Variants in MMP11 observed in about 807,000 individuals in gnomAD.
MMP11 encodes stromelysin-3.
In MMP11, 26 loss-of-function variants were observed where a neutral mutation model predicts 49.5. The ratio of observed to expected loss-of-function variants is 0.52; its 90% CI spans 0.38 to 0.73. The LOEUF is 0.73. Among genes scored for constraint, MMP11 ranks in the 30% least tolerant of loss-of-function variants. MMP11 has a pLI of 0.00. For missense variants in MMP11, 624 were observed against 671.2 expected, an observed-to-expected ratio of 0.93 and a Z score of 0.78; for synonymous variants, 265 against 282.3, an observed-to-expected ratio of 0.94 and a Z score of 0.62.
At chr22:23,782,091 C>T (rs1348961793) in intron 6 of MMP11, 135 bp from the exon 7 acceptor site, 1 of 1,312,552 alleles carries the variant, frequency 7.6e-7, no homozygotes, top group Non-Finnish European at 1.1e-6. Flanking sequence ...GCTGAGCAGG[C>T]ATTATTGGCC....
At position 23,783,286 on chromosome 22, in the gene MMP11, A is replaced by G. The variant is rs28382574; in HGVS notation, c.1334-125A>G. ...GCCCTGGATCCTGCAGGACTCGAGG[A>G]ACTCAGCAGTGGCCAAGGGCTTCCC... On this transcript the variant is annotated intron_variant, in intron 7 of 7. Coordinates refer to ENST00000215743, the MANE Select transcript of MMP11 (RefSeq NM_005940.5). 1.1e-3 allele frequency: 1,290 copies of G among 1,160,806 alleles called. 13 individuals are homozygous for G. In the African/African-American group the frequency reaches 0.017, roughly 15 times the overall value. 71.9% of individuals were successfully genotyped at this position (1,160,806 alleles called of 1,614,324 possible).
At position 23,779,423 on chromosome 22, in the gene MMP11, G is replaced by T. The variant is rs1437501333; in HGVS notation, c.338+7G>T. 4 of 1,606,044 alleles carry T rather than the reference G, an allele frequency of 2.5e-6. No individual in the cohort carries two copies. The Admixed American group carries it at 6.8e-5, about 27-fold the overall frequency. The stretch of plus-strand genomic sequence containing the variant: ...AGACGGACCTCACCTACAGGTAGGG[G>T]CCTGGGAGCAGGACACTAGGATGCC... On this transcript the variant is annotated splice_region_variant and intron_variant, in intron 2 of 7. Coordinates refer to ENST00000215743, the MANE Select transcript of MMP11 (RefSeq NM_005940.5).
Position 23,779,374 on chromosome 22 carries a change from T to C in MMP11, c.296T>C (p.Val99Ala). ...GCCCGCAACCGACAGAAGAGGTTCG[T>C]GCTTTCTGGCGGGCGCTGGGAGAAG... ...LSARNRQKRF[V>A]LSGGRWEKTD... Residue 99 changes from valine (V) to alanine (A), a missense_variant, in exon 2 of 8, where the codon GTG becomes GCG. Val to Ala is a moderately conservative substitution (Grantham distance 64). Transcript: ENST00000215743. 1 of 1,613,142 alleles carries C rather than the reference T, an allele frequency of 6.2e-7. No homozygotes were observed. Among genetic ancestry groups the C allele is most frequent in the Non-Finnish European group, 8.5e-7 (1 of 1,179,926 alleles).
chr22:23,783,209 T>G (rs1318482025), intron 7 of MMP11, among the ~76,000 whole-genome samples: 1 of 152,048 alleles, frequency 6.6e-6, no homozygotes, highest in African/African-American at 2.4e-5. Context: ...CAGCCCAGAT[T>G]CCGGGGCAGG....
At position 23,782,252 on chromosome 22, in the gene MMP11, GAA is replaced by G; in HGVS notation, c.1105_1106del (p.Lys369AlafsTer59). ...TGCTCAGTACTGGGTGTACGACGGTGAAAAGCCAGTCCTGGGCCCCGCACCCC... is the reference window on the plus strand; with the variant it reads ...TGCTCAGTACTGGGTGTACGACGGTGAAGCCAGTCCTGGGCCCCGCACCCC... ...QGAQYWVYDG[E>X]KPVLGPAPLT... is the part of the protein sequence containing the mutation. On this transcript the variant is annotated frameshift_variant, in exon 7 of 8. Coordinates refer to ENST00000215743, the MANE Select transcript of MMP11 (RefSeq NM_005940.5). LOFTEE classifies it high-confidence loss of function. The G allele has an allele frequency of 6.2e-7, 1 of 1,613,578 alleles. No individual in the cohort carries two copies. Among genetic ancestry groups the G allele is most frequent in the Non-Finnish European group, 8.5e-7 (1 of 1,180,002 alleles).
chr22:23,776,545 G>C (rs1927416270), intron 1 of MMP11, among the ~76,000 whole-genome samples: 1 of 152,232 alleles, frequency 6.6e-6, no homozygotes, highest in Non-Finnish European at 1.5e-5. Flanking sequence ...GGTGAGGCCA[G>C]CCTGGGTCCC....
intron 1 of MMP11, among the ~76,000 whole-genome samples, chr22:23,778,080 T>C (rs1927479451): frequency 6.6e-6 from 1 of 152,196 alleles, no homozygotes; most frequent in African/African-American, 2.4e-5. Flanking sequence ...GAGGCTGCAG[T>C]TGCCCAGACC....
Position 23,782,441 on chromosome 22 carries a change from G to A in MMP11, c.1291G>A (p.Gly431Arg). ...PVPRRATDWR[G>R]VPSEIDAAFQ... Reference sequence around the variant, plus strand: ...GCCCCGCAGGGCCACTGACTGGAGAGGGGTGCCCTCTGAGATCGACGCTGC... The same window carrying A: ...GCCCCGCAGGGCCACTGACTGGAGAAGGGTGCCCTCTGAGATCGACGCTGC... Residue 431 changes from glycine to arginine, a missense_variant, in exon 7 of 8, where the codon GGG (glycine) becomes AGG (arginine). Transcript: ENST00000215743. The A allele has an allele frequency of 6.2e-7, 1 of 1,613,440 alleles. No individual in the cohort carries two copies. Among genetic ancestry groups the A allele is most frequent in the South Asian group, 1.1e-5 (1 of 91,050 alleles).
chr22:23,772,992 A>T lies in MMP11; in HGVS notation c.108+14A>T. 8.5e-7 allele frequency: 1 copy of T among 1,179,374 alleles called. No homozygotes were observed. The highest frequency in any genetic ancestry group is 1.0e-6 in the Non-Finnish European group (1 of 954,666). 73.1% of individuals were successfully genotyped at this position (1,179,374 alleles called of 1,614,324 possible). A position where few individuals can be genotyped will look rare whatever the true frequency, so the allele number is the denominator to read the frequency against. ...GCTCTGCCGCCGGTGAGTGCCCGCC[A>T]CTCGCCGGCCGCTCCTCGCTGAGGG... On this transcript the variant is annotated intron_variant, in intron 1 of 7. Coordinates refer to ENST00000215743, the MANE Select transcript of MMP11 (RefSeq NM_005940.5).
Position 23,772,891 on chromosome 22 carries a change from C to G in MMP11, c.21C>G (p.Leu7=), listed in dbSNP as rs1245714092. MAPAAW[L]RSAAARALLP... Reference sequence around the variant, plus strand: ...GGCGGATGGCTCCGGCCGCCTGGCTCCGCAGCGCGGCCGCGCGCGCCCTCC... The same window carrying G: ...GGCGGATGGCTCCGGCCGCCTGGCTGCGCAGCGCGGCCGCGCGCGCCCTCC... Residue 7 remains leucine (L), a synonymous_variant, in exon 1 of 8, where the codon CTC becomes CTG. Transcript: ENST00000215743. 3 of 1,166,868 alleles carry G rather than the reference C, an allele frequency of 2.6e-6. No homozygotes were observed. The highest frequency in any genetic ancestry group is 3.2e-5 in the African/African-American group (2 of 61,842). The allele number at this position is 1,166,868 out of a possible 1,614,324, so 72.3% of individuals were successfully genotyped here. A position where few individuals can be genotyped will look rare whatever the true frequency, so the allele number is the denominator to read the frequency against.
chr22:23,778,189 T>TTA (rs1927483406), intron 1 of MMP11, among the ~76,000 whole-genome samples: 1 of 152,252 alleles, frequency 6.6e-6, no homozygotes, highest in African/African-American at 2.4e-5. Flanking sequence ...GAGCCAGGCC[T>TTA]TAGCCTTAGG....
chr22:23,778,559 T>C (rs1927496253), intron 1 of MMP11, among the ~76,000 whole-genome samples: 2 of 152,204 alleles, frequency 1.3e-5, no homozygotes, highest in African/African-American at 2.4e-5. Context: ...GTGCTGGGCC[T>C]GTGCTAGGTG....
At chr22:23,779,136 GCCATGTGGA>G in intron 1 of MMP11, 42 bp from the exon 2 acceptor site, 1 of 1,408,228 alleles carries the variant, frequency 7.1e-7, no homozygotes, top group Non-Finnish European at 9.7e-7. Context: ...CTAACTGTGG[GCCATGTGGA>G]CCTTAGGCCT....
chr22:23,782,061 C>A, intron 6 of MMP11, 165 bp from the exon 7 acceptor site: 2 of 1,036,182 alleles, frequency 1.9e-6, no homozygotes, highest in Non-Finnish European at 2.9e-6. Context: ...AGGCCTCCCG[C>A]TTCCCTCTGC....
At chr22:23,777,736 A>C (rs1927463199) in intron 1 of MMP11, 1 of 152,414 alleles carries the variant, frequency 6.6e-6, no homozygotes, top group Non-Finnish European at 1.5e-5. Flanking sequence ...TCCATCTCAA[A>C]AAAACAAAAC....
chr22:23,781,425 GGATCTGCTC>G lies in MMP11; in HGVS notation c.1075+19_1075+27del. Reference sequence around the variant, plus strand: ...TTCTTCCAAGGTGAGTGGGGGTTGGGGATCTGCTCGAGAGACTTCCCAGAGCCAGGAATG... The same window carrying G: ...TTCTTCCAAGGTGAGTGGGGGTTGGGGAGAGACTTCCCAGAGCCAGGAATG... On this transcript the variant is annotated intron_variant, in intron 6 of 7. Coordinates refer to ENST00000215743, the MANE Select transcript of MMP11 (RefSeq NM_005940.5). The G allele has an allele frequency of 6.4e-7, 1 of 1,574,034 alleles. No individual in the cohort carries two copies. The highest frequency in any genetic ancestry group is 8.6e-7 in the Non-Finnish European group (1 of 1,158,618).
rs938530273 is a variant in MMP11 at position 23,783,528 on chromosome 22, C to T, written c.1451C>T (p.Ala484Val). Reference sequence around the variant, plus strand: ...GACTTCTTTGGCTGTGCCGAGCCTGCCAACACTTTCCTCTGACCATGGCTT... The same window carrying T: ...GACTTCTTTGGCTGTGCCGAGCCTGTCAACACTTTCCTCTGACCATGGCTT... ...GPDFFGCAEPANTFL is the reference protein window; with the variant it reads ...GPDFFGCAEPVNTFL Residue 484 changes from alanine to valine, a missense_variant, in exon 8 of 8, where the codon GCC becomes GTC. Coordinates refer to ENST00000215743, the MANE Select transcript of MMP11 (RefSeq NM_005940.5). 6.2e-7 allele frequency: 1 copy of T among 1,614,236 alleles called. No individual in the cohort carries two copies. The highest frequency in any genetic ancestry group is 8.5e-7 in the Non-Finnish European group (1 of 1,180,032).
chr22:23,780,524 C>A lies in MMP11; in HGVS notation c.482+22C>A. The A allele has an allele frequency of 6.2e-7, 1 of 1,613,232 alleles. No homozygotes were observed. Among genetic ancestry groups the A allele is most frequent in the Non-Finnish European group, 8.5e-7 (1 of 1,179,728 alleles). ...CCAGGTGAATGGGCGGCCTGGGACC[C>A]CTCCGGGAACAGCCTCGCCTGCCAG... On this transcript the variant is annotated intron_variant, in intron 3 of 7. Transcript: ENST00000215743. The surrounding 1 kb of genome is among the most constrained non-coding windows in gnomAD (Gnocchi z 4.6).
At chr22:23,775,455 T>C (rs1927378375) in intron 1 of MMP11, among the ~76,000 whole-genome samples, 1 of 152,152 alleles carries the variant, frequency 6.6e-6, no homozygotes, top group Admixed American at 6.5e-5. Context: ...CAGAAAGGAC[T>C]TGGAAAGATG....
Sources: allele counts gnomAD v4.1 joint callset (sites outside exome capture counted in the v4.1 genomes callset), GRCh38; gene constraint gnomAD v4.1.1; non-coding constraint Gnocchi (gnomAD v3.1); transcripts MANE v1.5; gene names NCBI Gene and HGNC (gene_info 2026-07-23, HGNC 2026-07-21).